LPP: variants seen among roughly 807,000 people sequenced by gnomAD.
The protein encoded by LPP is lipoma-preferred partner.
In LPP, 38 loss-of-function variants were observed where a neutral mutation model predicts 60.4. The ratio of observed to expected loss-of-function variants is 0.63; its 90% CI spans 0.49 to 0.83. The LOEUF (loss-of-function observed/expected upper bound fraction) is 0.83. Among genes scored for constraint, LPP ranks in the 40% least tolerant of loss-of-function variants. The pLI is 0.00. For missense variants in LPP, 902 were observed against 783.6 expected (o/e 1.15, Z -1.80); for synonymous variants, 328 against 290.8 (o/e 1.13, Z -1.30).
At chr3:188,841,720 T>C (rs549177645) in intron 9 of LPP, among the ~76,000 whole-genome samples, 117 of 152,312 alleles carry the variant, frequency 7.7e-4, no homozygotes, top group Non-Finnish European at 1.3e-3. Flanking sequence ...AAAATATTCC[T>C]TCCTCCTCTG....
At chr3:188,581,046 C>A (rs1006620145) in intron 6 of LPP, among the ~76,000 whole-genome samples, 1 of 152,040 alleles carries the variant, frequency 6.6e-6, no homozygotes, top group Non-Finnish European at 1.5e-5. Flanking sequence ...TACAAAACAC[C>A]TTCCCAGCCA....
At chr3:188,444,017 A>G (rs1794654859) in intron 4 of LPP, among the ~76,000 whole-genome samples, 1 of 152,210 alleles carries the variant, frequency 6.6e-6, no homozygotes, top group South Asian at 2.1e-4. Context: ...AATATAGTGC[A>G]TAATTTTCAA....
chr3:188,785,850 G>A (rs1267402149), intron 9 of LPP, among the ~76,000 whole-genome samples: 1 of 151,760 alleles, frequency 6.6e-6, no homozygotes, highest in African/African-American at 2.4e-5. Context: ...TTGCTGTTTT[G>A]TATTCTCCCT....
At chr3:188,416,417 T>C (rs1368429713) in intron 4 of LPP, among the ~76,000 whole-genome samples, 1 of 152,064 alleles carries the variant, frequency 6.6e-6, no homozygotes, top group African/African-American at 2.4e-5. Flanking sequence ...CAAAGCAAAA[T>C]AAAAAATAAA....
At chr3:188,867,953 A>G (rs1767092640) in intron 10 of LPP, among the ~76,000 whole-genome samples, 1 of 152,208 alleles carries the variant, frequency 6.6e-6, no homozygotes, top group Non-Finnish European at 1.5e-5. Flanking sequence ...TCCAAGTAGC[A>G]AAGAAAGTGA....
chr3:188,309,022 C>CTTCTTT (rs1553857355), intron 2 of LPP, among the ~76,000 whole-genome samples: 3 of 119,716 alleles, frequency 2.5e-5, no homozygotes, highest in African/African-American at 9.4e-5. Flanking sequence ...TCTTCTTCTT[C>CTTCTTT]TTTTTTTTTT....
intron 6 of LPP, among the ~76,000 whole-genome samples, chr3:188,582,314 T>G (rs1020322253): frequency 2.6e-5 from 4 of 151,742 alleles, no homozygotes; most frequent in Non-Finnish European, 5.9e-5. Context: ...GTGTGCACCA[T>G]GCCTGGCTAA....
At chr3:188,231,039 A>C (rs1405432866) in intron 2 of LPP, among the ~76,000 whole-genome samples, 1 of 152,120 alleles carries the variant, frequency 6.6e-6, no homozygotes, top group Non-Finnish European at 1.5e-5. Flanking sequence ...TCTATAGGGC[A>C]GCTCACATGG....
intron 9 of LPP, among the ~76,000 whole-genome samples, chr3:188,800,242 C>CTTT (rs1170703897): frequency 7.2e-5 from 5 of 69,646 alleles, no homozygotes; most frequent in East Asian, 7.1e-4. Context: ...AATGTTGAAG[C>CTTT]TTTCTTTTTT....
chr3:188,225,083 A>G (rs575417550), intron 1 of LPP, among the ~76,000 whole-genome samples: 1 of 152,166 alleles, frequency 6.6e-6, no homozygotes, highest in East Asian at 1.9e-4. Context: ...TTTATTTGGT[A>G]TAGTTTAGGT....
At chr3:188,404,100 G>A (rs562729041) in intron 3 of LPP, among the ~76,000 whole-genome samples, 1 of 152,108 alleles carries the variant, frequency 6.6e-6, no homozygotes, top group African/African-American at 2.4e-5. Context: ...AAGCAAGATG[G>A]TCATAAAATT....
intron 5 of LPP, among the ~76,000 whole-genome samples, chr3:188,515,748 G>A (rs1255358068): frequency 6.6e-6 from 1 of 152,136 alleles, no homozygotes; most frequent in Admixed American, 6.5e-5. Context: ...TTTAGGCCTG[G>A]TTTTGCATAT....
intron 2 of LPP, among the ~76,000 whole-genome samples, chr3:188,338,944 C>G (rs1308291369): frequency 6.6e-6 from 1 of 152,170 alleles, no homozygotes; most frequent in Non-Finnish European, 1.5e-5. Context: ...CTGCACTTTT[C>G]ATTTCCATGT....
At chr3:188,244,903 A>G (rs567383428) in intron 2 of LPP, among the ~76,000 whole-genome samples, 3 of 152,104 alleles carry the variant, frequency 2.0e-5, no homozygotes, top group African/African-American at 7.2e-5. Context: ...AATGAATCTG[A>G]GTGAATGAAT....
intron 9 of LPP, among the ~76,000 whole-genome samples, chr3:188,776,847 G>A (rs913969567): frequency 2.0e-5 from 3 of 152,104 alleles, no homozygotes; most frequent in Admixed American, 6.5e-5. Context: ...CTGTAAGACT[G>A]TAGTTTTATA....
At position 188,702,198 on chromosome 3, in the gene LPP, CGCCTCCCTCA is replaced by C. The variant is rs1306409535; in HGVS notation, c.1114-6061_1114-6052del. Among the ~76,000 whole-genome samples, 3 of 151,938 alleles carry C rather than the reference CGCCTCCCTCA, an allele frequency of 2.0e-5. No individual in the cohort carries two copies. The East Asian group carries it at 5.8e-4, about 29-fold the overall frequency. ...GTCTCGATTTCCTGACCTCGTGATC[CGCCTCCCTCA>C]GCCTCCCAAAGTGCTGGGATTATAG... On this transcript the variant is annotated intron_variant, in intron 7 of 11. Transcript: ENST00000617246.
intron 2 of LPP, among the ~76,000 whole-genome samples, chr3:188,333,764 C>T (rs1425826423): frequency 6.6e-6 from 1 of 152,084 alleles, no homozygotes; most frequent in African/African-American, 2.4e-5. Flanking sequence ...CATAATTGTA[C>T]ATGTTTACGG....
chr3:188,725,463 G>A (rs894477594), intron 8 of LPP: 1 of 152,192 alleles, frequency 6.6e-6, no homozygotes. Flanking sequence ...AGTCACTTTC[G>A]AAGTCAAGAG....
At chr3:188,564,595 T>A (rs1831645027) in intron 6 of LPP, among the ~76,000 whole-genome samples, 1 of 151,972 alleles carries the variant, frequency 6.6e-6, no homozygotes, top group South Asian at 2.1e-4. Context: ...TTAGGTCCTT[T>A]CAGGTTGCAG....
Sources: gnomAD v4.1 joint callset for allele counts (sites outside exome capture counted in the v4.1 genomes callset) on GRCh38, gnomAD v4.1.1 for gene constraint, MANE v1.5 for transcripts, NCBI Gene and HGNC (gene_info 2026-07-23, HGNC 2026-07-21) for gene names.